GPC6: variants seen among roughly 807,000 people sequenced by gnomAD.
The protein encoded by GPC6 is glypican-6.
GPC6 carries 14 observed loss-of-function variants against 55.2 expected under a neutral mutation model. The ratio of observed to expected loss-of-function variants is 0.25; its 90% CI spans 0.17 to 0.40. The LOEUF is 0.40. Ranked by LOEUF, GPC6 falls within the 10% of genes least tolerant of loss-of-function variation. The pLI is 1.00. For missense variants in GPC6, 641 were observed against 708.5 expected, an observed-to-expected ratio of 0.90 and a Z score of 1.08; for synonymous variants, 278 against 259.6, an observed-to-expected ratio of 1.07 and a Z score of -0.68.
At chr13:93,805,235 T>A (rs1650614165) in intron 2 of GPC6, among the ~76,000 whole-genome samples, 1 of 152,164 alleles carries the variant, frequency 6.6e-6, no homozygotes, top group African/African-American at 2.4e-5. Context: ...TTCTAACTAA[T>A]CTCTATTAAA....
In GPC6 at chr13:94,083,976, A is replaced by G. The variant is rs547201031; in HGVS notation, c.877+56082A>G. 3.9e-5 allele frequency among the ~76,000 whole-genome samples: 6 copies of G among 152,284 alleles called. No homozygotes were observed. In the South Asian group the frequency reaches 1.0e-3, roughly 26 times the overall value. ...ACGAGAGAAAGTGGAATAAGGAATAACTTAAACCATTTTATCCAAACGAAA... is the reference window on the plus strand; with the variant it reads ...ACGAGAGAAAGTGGAATAAGGAATAGCTTAAACCATTTTATCCAAACGAAA... On this transcript the variant is annotated intron_variant, in intron 4 of 8. Transcript: ENST00000377047.
chr13:94,027,952 G>C, intron 4 of GPC6, 58 bp downstream of exon 4: 2 of 1,448,874 alleles, frequency 1.4e-6, no homozygotes, highest in Non-Finnish European at 1.9e-6. Context: ...AGTGTTTATG[G>C]GGCTTGATGG....
intron 3 of GPC6, among the ~76,000 whole-genome samples, chr13:93,832,029 G>A (rs1415483014): frequency 7.4e-6 from 1 of 135,158 alleles, no homozygotes; most frequent in Non-Finnish European, 1.5e-5. Context: ...GGCGGGGCTT[G>A]CAGTGAGCTG....
chr13:94,276,825 T>C lies in GPC6; in HGVS notation c.878-9524T>C, dbSNP rs144889870. Among the ~76,000 whole-genome samples the C allele has an allele frequency of 3.1e-3, 467 of 152,320 alleles. 7 individuals carry two copies. The highest frequency in any genetic ancestry group is 0.011 in the African/African-American group (448 of 41,574). ...TGGTGTATATGTACCACATTTTCTT[T>C]ATCCAGTCTATCACTGATGGGCATT... On this transcript the variant is annotated intron_variant, in intron 4 of 8. Transcript: ENST00000377047.
rs9589831 is a variant in GPC6, at chr13:93,788,234, C to T, written c.320-41920C>T. Among the ~76,000 whole-genome samples, 898 of 152,244 alleles carry T rather than the reference C, an allele frequency of 5.9e-3. 15 individuals carry two copies. The highest frequency in any genetic ancestry group is 0.021 in the African/African-American group (864 of 41,540). On this transcript the variant is annotated intron_variant, in intron 2 of 8. Coordinates refer to ENST00000377047, the MANE Select transcript of GPC6 (RefSeq NM_005708.5). The stretch of plus-strand genomic sequence containing the variant: ...CTGCTTCCAATATGGTGCGTTGATA[C>T]TGCATCTTCTGGAGGGTAAGAATGC...
At chr13:94,288,550 C>G (rs1874668733) in intron 5 of GPC6, among the ~76,000 whole-genome samples, 1 of 147,976 alleles carries the variant, frequency 6.8e-6, no homozygotes, top group African/African-American at 2.5e-5. Context: ...TTTAATACCA[C>G]TGGTCCTTTT....
chr13:94,064,730 A>G (rs1211317685), intron 4 of GPC6, among the ~76,000 whole-genome samples: 1 of 152,114 alleles, frequency 6.6e-6, no homozygotes, highest in East Asian at 1.9e-4. Context: ...CTAGGGCATT[A>G]AAATCACCCC....
chr13:94,021,260 G>GTATATATATATA (rs57597417), intron 3 of GPC6, among the ~76,000 whole-genome samples: 1 of 146,272 alleles, frequency 6.8e-6, no homozygotes, highest in South Asian at 2.2e-4. Context: ...TTCATTGTGT[G>GTATATATATATA]TATATATATA....
intron 4 of GPC6, among the ~76,000 whole-genome samples, chr13:94,121,105 GTGCAGAGTCT>G (rs1464171481): frequency 6.6e-6 from 1 of 152,100 alleles, no homozygotes; most frequent in Non-Finnish European, 1.5e-5. Context: ...TACAGATCTA[GTGCAGAGTCT>G]TTCAGAGCCT....
intron 1 of GPC6, among the ~76,000 whole-genome samples, chr13:93,338,927 T>C (rs1185180925): frequency 1.3e-5 from 2 of 152,148 alleles, no homozygotes; most frequent in Non-Finnish European, 2.9e-5. Flanking sequence ...GAGAGAGCAA[T>C]TGGAGGAACT....
intron 2 of GPC6, among the ~76,000 whole-genome samples, chr13:93,598,400 T>C (rs1285235176): frequency 6.6e-6 from 1 of 152,192 alleles, no homozygotes; most frequent in Non-Finnish European, 1.5e-5. Flanking sequence ...TACATTCAAC[T>C]AAGAGATGGG....
At chr13:93,653,438 T>C in intron 2 of GPC6, among the ~76,000 whole-genome samples, 1 of 152,264 alleles carries the variant, frequency 6.6e-6, no homozygotes, top group East Asian at 1.9e-4. Flanking sequence ...TAAATGAATC[T>C]CGGCTTTTGG....
intron 3 of GPC6, among the ~76,000 whole-genome samples, chr13:93,966,651 ATTTTT>A: frequency 8.4e-6 from 1 of 118,828 alleles, no homozygotes. Context: ...TGTTTCCTTC[ATTTTT>A]TTTTTTTTTT....
chr13:93,673,879 T>C (rs912759255), intron 2 of GPC6, among the ~76,000 whole-genome samples: 1 of 152,188 alleles, frequency 6.6e-6, no homozygotes, highest in Non-Finnish European at 1.5e-5. Context: ...GATTACATCA[T>C]GGACTGGGCA....
intron 2 of GPC6, among the ~76,000 whole-genome samples, chr13:93,821,131 A>G (rs1887031642): frequency 6.6e-6 from 1 of 152,166 alleles, no homozygotes; most frequent in African/African-American, 2.4e-5. Context: ...AAAGGACTAG[A>G]TATTAAATAC....
chr13:94,359,272 T>A (rs1878946811), intron 6 of GPC6, among the ~76,000 whole-genome samples: 1 of 152,154 alleles, frequency 6.6e-6, no homozygotes, highest in South Asian at 2.1e-4. Context: ...TGAAAACTAT[T>A]TTCAAAAGAC....
At chr13:94,003,970 G>C (rs1047260983) in intron 3 of GPC6, among the ~76,000 whole-genome samples, 3 of 152,096 alleles carry the variant, frequency 2.0e-5, no homozygotes, top group Non-Finnish European at 4.4e-5. Flanking sequence ...ACTGCTAATA[G>C]TACATAATCA....
intron 1 of GPC6, among the ~76,000 whole-genome samples, chr13:93,306,809 C>G (rs1173725145): frequency 6.6e-6 from 1 of 152,020 alleles, no homozygotes; most frequent in African/African-American, 2.4e-5. Flanking sequence ...AGTAGCTATT[C>G]TTTGTAATTT....
chr13:93,541,024 C>CT (rs141122938), intron 1 of GPC6, among the ~76,000 whole-genome samples: 29 of 148,274 alleles, frequency 2.0e-4, no homozygotes, highest in East Asian at 2.0e-4. Context: ...GGATATCATC[C>CT]TTTTTTTTTT....
Sources: allele counts gnomAD v4.1 joint callset (sites outside exome capture counted in the v4.1 genomes callset), GRCh38; gene constraint gnomAD v4.1.1; transcripts MANE v1.5; gene names NCBI Gene and HGNC (gene_info 2026-07-23, HGNC 2026-07-21).